MBD5: variants seen among roughly 807,000 people sequenced by gnomAD.
MBD5 encodes the protein methyl-CpG-binding domain protein 5.
MBD5 carries 13 observed loss-of-function variants against 117.3 expected under a neutral mutation model. The observed-to-expected ratio is 0.11, with a 90% CI of 0.07 to 0.18. The LOEUF is 0.18. Among genes scored for constraint, MBD5 ranks in the 10% least tolerant of loss-of-function variants. The pLI is 1.00. For missense variants in MBD5, 1,879 were observed against 2,093.8 expected, an observed-to-expected ratio of 0.90 and a Z score of 2.00; for synonymous variants, 727 against 766.4, an observed-to-expected ratio of 0.95 and a Z score of 0.85.
At chr2:148,304,407 C>A (rs200920535) in intron 3 of MBD5, among the ~76,000 whole-genome samples, 1 of 151,922 alleles carries the variant, frequency 6.6e-6, no homozygotes, top group East Asian at 1.9e-4. Context: ...CAAACTGCTT[C>A]TCAATATAAA....
At chr2:148,108,945 A>G (rs1475306126) in intron 1 of MBD5, among the ~76,000 whole-genome samples, 8 of 152,190 alleles carry the variant, frequency 5.3e-5, no homozygotes, top group African/African-American at 1.4e-4. Flanking sequence ...CCAAAACAAT[A>G]CCATTTTCTT....
intron 4 of MBD5, among the ~76,000 whole-genome samples, chr2:148,351,182 G>T (rs1000630213): frequency 6.6e-6 from 1 of 151,580 alleles, no homozygotes; most frequent in Admixed American, 6.6e-5. Context: ...TACAATTTGG[G>T]GTTGTGCACC....
chr2:148,267,298 A>G (rs1373889470), intron 3 of MBD5, among the ~76,000 whole-genome samples: 1 of 152,220 alleles, frequency 6.6e-6, no homozygotes, highest in Admixed American at 6.5e-5. Context: ...AAACAGAGAA[A>G]GGATGAATTG....
chr2:148,132,372 G>T (rs1355929447), intron 1 of MBD5, among the ~76,000 whole-genome samples: 3 of 145,086 alleles, frequency 2.1e-5, no homozygotes, highest in African/African-American at 7.5e-5. Context: ...ATATATAGAT[G>T]ATTCATAAAT....
At chr2:148,135,830 C>G (rs939074556) in intron 1 of MBD5, among the ~76,000 whole-genome samples, 3 of 152,172 alleles carry the variant, frequency 2.0e-5, no homozygotes, top group African/African-American at 7.2e-5. Flanking sequence ...AAGTCTTCCA[C>G]AAACACCAGA....
chr2:148,227,530 T>G (rs911887139), intron 2 of MBD5, among the ~76,000 whole-genome samples: 2 of 152,210 alleles, frequency 1.3e-5, no homozygotes, highest in African/African-American at 4.8e-5. Context: ...TGTAGTATAG[T>G]TTGAAGTCAG....
intron 3 of MBD5, among the ~76,000 whole-genome samples, chr2:148,341,780 G>C (rs1702953454): frequency 6.6e-6 from 1 of 151,844 alleles, no homozygotes; most frequent in Non-Finnish European, 1.5e-5. Context: ...TATCATTATA[G>C]TGATCACCAT....
chr2:148,160,801 A>C (rs1697990256), intron 1 of MBD5, among the ~76,000 whole-genome samples: 1 of 152,216 alleles, frequency 6.6e-6, no homozygotes, highest in Non-Finnish European at 1.5e-5. Flanking sequence ...AGAATTACAA[A>C]GGAGTTAATA....
Position 148,513,945 on chromosome 2 carries a change from A to G in MBD5, c.*1004A>G, listed in dbSNP as rs970926153. 2 of 152,206 alleles carry G rather than the reference A, an allele frequency of 1.3e-5. No individual in the cohort carries two copies. The highest frequency in any genetic ancestry group is 6.5e-5 in the Admixed American group (1 of 15,284). 9.4% of individuals were successfully genotyped at this position (152,206 alleles called of 1,614,324 possible). ...CATGGAGGCAAAAACCCCACTTTGCAACCATTATCAGAGGTAAGATTGATA... is the reference window on the plus strand; with the variant it reads ...CATGGAGGCAAAAACCCCACTTTGCGACCATTATCAGAGGTAAGATTGATA... On this transcript the variant is annotated 3_prime_UTR_variant, in exon 14 of 14. Coordinates refer to ENST00000642680, the MANE Select transcript of MBD5 (RefSeq NM_001378120.1).
chr2:148,445,354 T>A (rs928859887), intron 4 of MBD5, among the ~76,000 whole-genome samples: 2 of 151,078 alleles, frequency 1.3e-5, no homozygotes, highest in East Asian at 3.9e-4. Flanking sequence ...TTCTCATTGT[T>A]CAGTTCTCAC....
chr2:148,158,568 C>G (rs1381062639), intron 1 of MBD5, among the ~76,000 whole-genome samples: 1 of 152,100 alleles, frequency 6.6e-6, no homozygotes, highest in Non-Finnish European at 1.5e-5. Context: ...TTATACTTGG[C>G]CGTTTATACT....
At chr2:148,349,841 ATAG>A (rs1237314716) in intron 4 of MBD5, among the ~76,000 whole-genome samples, 3 of 152,008 alleles carry the variant, frequency 2.0e-5, no homozygotes, top group Non-Finnish European at 4.4e-5. Context: ...CACACCTAAC[ATAG>A]TAGAACACAA....
At chr2:148,332,620 C>T (rs942709584) in intron 3 of MBD5, among the ~76,000 whole-genome samples, 1 of 152,066 alleles carries the variant, frequency 6.6e-6, no homozygotes, top group Non-Finnish European at 1.5e-5. Context: ...TATGTCTTCC[C>T]TCCATTGTCT....
intron 3 of MBD5, among the ~76,000 whole-genome samples, chr2:148,283,214 C>T (rs190985835): frequency 6.6e-6 from 1 of 152,094 alleles, no homozygotes; most frequent in African/African-American, 2.4e-5. Flanking sequence ...GATTGCATGT[C>T]TTTGTTACAG....
chr2:148,380,042 G>C (rs1324469603), intron 4 of MBD5, among the ~76,000 whole-genome samples: 1 of 152,130 alleles, frequency 6.6e-6, no homozygotes, highest in Non-Finnish European at 1.5e-5. Flanking sequence ...GATTGAAAAT[G>C]AATCGATAGC....
intron 1 of MBD5, among the ~76,000 whole-genome samples, chr2:148,047,724 AG>A (rs1325375105): frequency 6.6e-6 from 1 of 152,238 alleles, no homozygotes; most frequent in Middle Eastern, 3.2e-3. Flanking sequence ...AAGAACAGCA[AG>A]CAACCACTTA....
intron 1 of MBD5, among the ~76,000 whole-genome samples, chr2:148,174,790 A>T (rs1280510993): frequency 2.0e-5 from 3 of 152,130 alleles, no homozygotes; most frequent in Non-Finnish European, 4.4e-5. Context: ...ACCAAAAAAA[A>T]AAAATACAAA....
intron 3 of MBD5, among the ~76,000 whole-genome samples, chr2:148,334,180 T>C (rs1456229022): frequency 6.6e-6 from 1 of 152,142 alleles, no homozygotes; most frequent in Non-Finnish European, 1.5e-5. Flanking sequence ...TTTTGGAAAT[T>C]GTAGTACAAA....
At chr2:148,270,140 A>G (rs1002325745) in intron 3 of MBD5, among the ~76,000 whole-genome samples, 8 of 151,958 alleles carry the variant, frequency 5.3e-5, no homozygotes, top group African/African-American at 1.9e-4. Flanking sequence ...GATGTGATTC[A>G]TGTGTCTGAT....
Sources: gnomAD v4.1 joint callset for allele counts (sites outside exome capture counted in the v4.1 genomes callset) on GRCh38, gnomAD v4.1.1 for gene constraint, MANE v1.5 for transcripts, NCBI Gene and HGNC (gene_info 2026-07-23, HGNC 2026-07-21) for gene names.